The following KCNC2 variants were observed in gnomAD, a reference collection of about 807,000 sequenced individuals.
KCNC2 encodes the protein potassium voltage-gated channel subfamily C member 2, also known as voltage-gated potassium channel KCNC2.
In KCNC2, 21 loss-of-function variants were observed where a neutral mutation model predicts 44.5. That is an observed-to-expected ratio of 0.47 (90% CI 0.33 to 0.68). The LOEUF is 0.68. KCNC2 is among the 30% of genes least tolerant of loss of function. The probability of loss-of-function intolerance (pLI) is 0.01; values close to 1 mark genes in which losing one functional copy is unlikely to be tolerated. For synonymous variants in KCNC2, 391 were observed against 339.1 expected (o/e 1.15, Z -1.68); for missense variants, 589 against 826.2 (o/e 0.71, Z 3.52).
chr12:75,179,888 G>A (rs1184255047), intron 2 of KCNC2, among the ~76,000 whole-genome samples: 1 of 151,396 alleles, frequency 6.6e-6, no homozygotes, highest in African/African-American at 2.4e-5. Context: ...CTTCAACTTA[G>A]CATTCCGTAC....
In KCNC2 at chr12:75,207,931, C is replaced by T. The variant is rs1285562991; in HGVS notation, c.53G>A (p.Arg18Gln). Residue 18 changes from arginine (R) to glutamine (Q), a missense_variant, in exon 2 of 5, where the codon CGG becomes CAG. Around this residue, in one of 7 missense-constraint regions of KCNC2, gnomAD observed 148 missense variants for 140.1 expected, o/e 1.06. Transcript: ENST00000549446. This position sits in a 1 kb window ranked among gnomAD's most constrained non-coding sequence, Gnocchi z 4.1. The stretch of plus-strand genomic sequence containing the variant: ...GAGGGTGCTGCGGTAGGTTTCGTGC[C>T]GGGTGCCCCCGACATTGAGGATCAC... ...ERVILNVGGT[R>Q]HETYRSTLKT... 6.2e-7 allele frequency: 1 copy of T among 1,612,648 alleles called. No homozygotes were observed.
intron 2 of KCNC2, among the ~76,000 whole-genome samples, chr12:75,061,145 G>T (rs971149351): frequency 1.1e-4 from 17 of 152,150 alleles, no homozygotes; most frequent in African/African-American, 4.1e-4. Context: ...CATTGATTTG[G>T]TGCTTAGTAA....
Position 75,042,194 on chromosome 12 carries a change from C to A in KCNC2, c.*911G>T. The A allele has an allele frequency of 2.3e-6, 3 of 1,330,464 alleles. No homozygotes were observed. The highest frequency in any genetic ancestry group is 2.9e-6 in the Non-Finnish European group (3 of 1,032,288). The allele number at this position is 1,330,464 out of a possible 1,614,324, so 82.4% of individuals were successfully genotyped here. On this transcript the variant is annotated 3_prime_UTR_variant, in exon 5 of 5. Coordinates refer to ENST00000549446, the MANE Select transcript of KCNC2 (RefSeq NM_139137.4). Reference sequence around the variant, plus strand: ...GGCACTCTGCCTCTGAAAATGATGACAAACCCTGGGTATTTTTTTTTTTTA... The same window carrying A: ...GGCACTCTGCCTCTGAAAATGATGAAAAACCCTGGGTATTTTTTTTTTTTA...
intron 2 of KCNC2, among the ~76,000 whole-genome samples, chr12:75,182,910 G>A (rs1892700558): frequency 6.6e-6 from 1 of 152,190 alleles, no homozygotes. Flanking sequence ...ACAAGAGATT[G>A]CGGGCTGTTT....
intron 4 of KCNC2, among the ~76,000 whole-genome samples, chr12:75,045,466 T>C (rs538184042): frequency 8.9e-4 from 136 of 152,090 alleles, no homozygotes; most frequent in Non-Finnish European, 1.5e-3. Context: ...AGTAAAACTA[T>C]ATATTATTCA....
chr12:75,143,938 C>T (rs1889835385), intron 2 of KCNC2, among the ~76,000 whole-genome samples: 1 of 151,976 alleles, frequency 6.6e-6, no homozygotes, highest in Non-Finnish European at 1.5e-5. Flanking sequence ...GCTGACATAT[C>T]CTCTATCTGA....
rs1884867124 is a variant in KCNC2 at position 75,084,917 on chromosome 12, T to C, written c.688-33600A>G. Among the ~76,000 whole-genome samples the C allele has an allele frequency of 2.0e-5, 3 of 150,388 alleles. No homozygotes were observed. In the South Asian group the frequency reaches 6.2e-4, roughly 31 times the overall value. On this transcript the variant is annotated intron_variant, in intron 2 of 4. Coordinates refer to ENST00000549446, the MANE Select transcript of KCNC2 (RefSeq NM_139137.4). ...TCTATAGTATTATAGATTTTATATA[T>C]ATATTTATAATCTATATGTAAATAT...
intron 2 of KCNC2, among the ~76,000 whole-genome samples, chr12:75,141,831 G>A (rs182514754): frequency 3.1e-4 from 47 of 152,142 alleles, no homozygotes; most frequent in Admixed American, 2.6e-3. Context: ...ATCATCTAAC[G>A]TCATTCAAAC....
chr12:75,139,589 C>T (rs1889494929), intron 2 of KCNC2, among the ~76,000 whole-genome samples: 1 of 152,132 alleles, frequency 6.6e-6, no homozygotes, highest in Non-Finnish European at 1.5e-5. Context: ...CTGACTCAGC[C>T]TTTCTCTCTC....
At chr12:75,187,021 A>C (rs1200936608) in intron 2 of KCNC2, among the ~76,000 whole-genome samples, 2 of 152,254 alleles carry the variant, frequency 1.3e-5, no homozygotes, top group African/African-American at 4.8e-5. Flanking sequence ...TACCAAATTC[A>C]GATAAACAAT....
At chr12:75,075,518 T>C (rs1264864003) in intron 2 of KCNC2, among the ~76,000 whole-genome samples, 1 of 149,876 alleles carries the variant, frequency 6.7e-6, no homozygotes, top group African/African-American at 2.4e-5. Context: ...TGCTACAGCA[T>C]GTTACCTTCT....
chr12:75,208,136 G>A (rs2137834216), intron 1 of KCNC2, 134 bp from the exon 2 acceptor site: 4 of 986,412 alleles, frequency 4.1e-6, no homozygotes, highest in African/African-American at 1.7e-5. Context: ...ACCCTCCCCG[G>A]GAGGGGATCA....
chr12:75,115,942 T>G lies in KCNC2; in HGVS notation c.688-64625A>C, dbSNP rs577827562. Among the ~76,000 whole-genome samples the G allele has an allele frequency of 4.6e-5, 7 of 152,252 alleles. No individual in the cohort carries two copies. In the South Asian group the frequency reaches 8.3e-4, roughly 18 times the overall value. On this transcript the variant is annotated intron_variant, in intron 2 of 4. Transcript: ENST00000549446. Reference sequence around the variant, plus strand: ...TTAAACTACTCAAGGAAATTACAGGTTGCTTGAGCGCAGCAACTATAATTT... The same window carrying G: ...TTAAACTACTCAAGGAAATTACAGGGTGCTTGAGCGCAGCAACTATAATTT...
At chr12:75,079,389 A>T (rs2137072203) in intron 2 of KCNC2, among the ~76,000 whole-genome samples, 1 of 152,246 alleles carries the variant, frequency 6.6e-6, no homozygotes. Context: ...AACAGAAAAA[A>T]GTTCAGCTGT....
Position 75,041,675 on chromosome 12 carries a change from A to G in KCNC2, c.*1430T>C, listed in dbSNP as rs2136903817. On this transcript the variant is annotated 3_prime_UTR_variant, in exon 5 of 5. Coordinates refer to ENST00000549446, the MANE Select transcript of KCNC2 (RefSeq NM_139137.4). ...CTAAGGATTTTGTTGGAGTGTAGTAATGAATGCTGGTTGCTAGGTAGTAGA... is the reference window on the plus strand; with the variant it reads ...CTAAGGATTTTGTTGGAGTGTAGTAGTGAATGCTGGTTGCTAGGTAGTAGA... 2.0e-5 allele frequency: 20 copies of G among 1,003,282 alleles called. No homozygotes were observed. The highest frequency in any genetic ancestry group is 2.3e-5 in the Non-Finnish European group (19 of 839,778). 62.1% of individuals were successfully genotyped at this position (1,003,282 alleles called of 1,614,324 possible).
chr12:75,046,065 A>G (rs1440979844), intron 4 of KCNC2, among the ~76,000 whole-genome samples: 1 of 151,790 alleles, frequency 6.6e-6, no homozygotes, highest in Admixed American at 6.6e-5. Flanking sequence ...TAACCAACTG[A>G]AACGATTAAG....
At chr12:75,126,623 G>T (rs1284365463) in intron 2 of KCNC2, among the ~76,000 whole-genome samples, 1 of 152,080 alleles carries the variant, frequency 6.6e-6, no homozygotes, top group African/African-American at 2.4e-5. Context: ...AATAGCATGA[G>T]ACGTGGAAGG....
chr12:75,152,011 T>TTA (rs909978836), intron 2 of KCNC2, among the ~76,000 whole-genome samples: 179 of 143,988 alleles, frequency 1.2e-3, no homozygotes, highest in Non-Finnish European at 7.8e-4. Flanking sequence ...TATTATACAT[T>TTA]TATATATATA....
At chr12:75,192,222 T>C (rs1275809585) in intron 2 of KCNC2, among the ~76,000 whole-genome samples, 3 of 152,214 alleles carry the variant, frequency 2.0e-5, no homozygotes, top group South Asian at 2.1e-4. Flanking sequence ...CCTTGTCTAA[T>C]TTCCTTGCTG....
Sources: gnomAD v4.1 joint callset for allele counts (sites outside exome capture counted in the v4.1 genomes callset) on GRCh38, gnomAD v4.1.1 for gene constraint, gnomAD v4.1.1 regional missense constraint, Gnocchi (gnomAD v3.1) non-coding constraint, MANE v1.5 for transcripts, NCBI Gene and HGNC (gene_info 2026-07-23, HGNC 2026-07-21) for gene names.